Variants in XPR1 observed in about 807,000 individuals in gnomAD.
The protein encoded by XPR1 is solute carrier family 53 member 1.
In XPR1, 28 loss-of-function variants were observed where a neutral mutation model predicts 87.5. That is an observed-to-expected ratio of 0.32 (90% CI 0.24 to 0.44). The LOEUF is 0.44. Ranked by LOEUF, XPR1 falls within the 20% of genes least tolerant of loss-of-function variation. The pLI, the probability that XPR1 is intolerant of heterozygous loss-of-function variation, is 1.00. For synonymous variants in XPR1, 300 were observed against 306.1 expected (o/e 0.98, Z 0.21); for missense variants, 559 against 862.3 (o/e 0.65, Z 4.41).
At chr1:180,808,424 G>A (rs1219975563) in intron 6 of XPR1, among the ~76,000 whole-genome samples, 1 of 152,036 alleles carries the variant, frequency 6.6e-6, no homozygotes, top group African/African-American at 2.4e-5. Context: ...TTTGGGTTAT[G>A]CAAAGATTTC....
At chr1:180,844,369 T>C (rs1651611349) in intron 11 of XPR1, among the ~76,000 whole-genome samples, 1 of 152,114 alleles carries the variant, frequency 6.6e-6, no homozygotes, top group African/African-American at 2.4e-5. Flanking sequence ...TGGTGAAAAG[T>C]ATAAACATCA....
At chr1:180,878,756 C>G (rs1316590194) in intron 13 of XPR1, among the ~76,000 whole-genome samples, 1 of 152,138 alleles carries the variant, frequency 6.6e-6, no homozygotes. Context: ...ACTTTACTTC[C>G]CAGCAAAGCA....
chr1:180,772,249 C>T (rs929601591), intron 2 of XPR1, among the ~76,000 whole-genome samples: 31 of 152,050 alleles, frequency 2.0e-4, no homozygotes, highest in Non-Finnish European at 2.8e-4. Flanking sequence ...TGATCTGCCA[C>T]CATTCTTTTG....
intron 11 of XPR1, among the ~76,000 whole-genome samples, chr1:180,847,126 C>T (rs1168796443): frequency 6.6e-6 from 1 of 152,156 alleles, no homozygotes; most frequent in Non-Finnish European, 1.5e-5. Flanking sequence ...TTGAAGTCTA[C>T]ACAACACATT....
chr1:180,670,262 AT>A (rs1656123094), intron 1 of XPR1, among the ~76,000 whole-genome samples: 1 of 151,842 alleles, frequency 6.6e-6, no homozygotes. Context: ...TAATTATGTC[AT>A]TTTCCAATTT....
At chr1:180,638,854 C>T (rs1654870658) in intron 1 of XPR1, among the ~76,000 whole-genome samples, 1 of 152,072 alleles carries the variant, frequency 6.6e-6, no homozygotes, top group Non-Finnish European at 1.5e-5. Flanking sequence ...TCTTGTACTA[C>T]TTTATACTTC....
intron 11 of XPR1, among the ~76,000 whole-genome samples, chr1:180,849,994 G>A (rs886405283): frequency 3.3e-5 from 5 of 152,252 alleles, no homozygotes; most frequent in African/African-American, 1.2e-4. Flanking sequence ...AGTCATTAGA[G>A]ACTATTGAAA....
chr1:180,697,890 C>G (rs1328667480), intron 2 of XPR1, among the ~76,000 whole-genome samples: 1 of 151,996 alleles, frequency 6.6e-6, no homozygotes, highest in Non-Finnish European at 1.5e-5. Context: ...AGAGAATGTT[C>G]CATATGCTGA....
At chr1:180,771,070 C>G (rs1648494498) in intron 2 of XPR1, among the ~76,000 whole-genome samples, 1 of 152,146 alleles carries the variant, frequency 6.6e-6, no homozygotes, top group African/African-American at 2.4e-5. Context: ...TCTGTTTTCT[C>G]TCAAAGCACA....
At chr1:180,780,337 A>C (rs1257788188) in intron 2 of XPR1, among the ~76,000 whole-genome samples, 1 of 152,128 alleles carries the variant, frequency 6.6e-6, no homozygotes, top group Non-Finnish European at 1.5e-5. Flanking sequence ...TTGCCTTTTT[A>C]AATTATAGCT....
intron 1 of XPR1, among the ~76,000 whole-genome samples, chr1:180,647,902 CAAAAAAAAAAAAAA>C (rs1009441967): frequency 1.8e-5 from 1 of 55,952 alleles, no homozygotes; most frequent in African/African-American, 5.4e-5. Flanking sequence ...CTCTTATCTG[CAAAAAAAAAAAAAA>C]AAAAAAAAAG....
chr1:180,708,768 T>C (rs2101980102), intron 2 of XPR1, among the ~76,000 whole-genome samples: 1 of 152,234 alleles, frequency 6.6e-6, no homozygotes, highest in Admixed American at 6.5e-5. Context: ...TAATTTTTTA[T>C]GTTGTAAAGT....
intron 1 of XPR1, among the ~76,000 whole-genome samples, chr1:180,676,979 G>A (rs1261680105): frequency 2.0e-5 from 3 of 152,176 alleles, no homozygotes; most frequent in Non-Finnish European, 4.4e-5. Context: ...ATAGTATGAT[G>A]TTTGATGACA....
At chr1:180,794,180 G>T (rs1315794293) in intron 3 of XPR1, among the ~76,000 whole-genome samples, 1 of 152,148 alleles carries the variant, frequency 6.6e-6, no homozygotes, top group African/African-American at 2.4e-5. Context: ...TACACATGTA[G>T]CATATATAGT....
chr1:180,791,072 G>A (rs921765286), intron 3 of XPR1, among the ~76,000 whole-genome samples: 5 of 152,222 alleles, frequency 3.3e-5, no homozygotes, highest in South Asian at 2.1e-4. Flanking sequence ...TTGAGAAAGC[G>A]TATTGGAAAT....
intron 3 of XPR1, among the ~76,000 whole-genome samples, chr1:180,793,195 T>A (rs1649448603): frequency 1.3e-5 from 2 of 152,152 alleles, no homozygotes; most frequent in African/African-American, 4.8e-5. Flanking sequence ...TTGTTTCATA[T>A]AAATGCAAGA....
At chr1:180,646,108 C>G (rs181475079) in intron 1 of XPR1, among the ~76,000 whole-genome samples, 16 of 152,336 alleles carry the variant, frequency 1.1e-4, no homozygotes, top group African/African-American at 3.8e-4. Context: ...TTCCATACCA[C>G]GGTTCCCATT....
At chr1:180,846,418 T>G (rs992625730) in intron 11 of XPR1, among the ~76,000 whole-genome samples, 2 of 147,454 alleles carry the variant, frequency 1.4e-5, no homozygotes. Context: ...GAATTTCTTG[T>G]TTGTTTGTTT....
intron 1 of XPR1, among the ~76,000 whole-genome samples, chr1:180,635,955 AATT>A (rs1654744866): frequency 1.3e-5 from 2 of 152,212 alleles, no homozygotes; most frequent in Non-Finnish European, 1.5e-5. Flanking sequence ...CATCCTTTAA[AATT>A]AATAATATCC....
Sources: gnomAD v4.1 joint callset for allele counts (sites outside exome capture counted in the v4.1 genomes callset) on GRCh38, gnomAD v4.1.1 for gene constraint, MANE v1.5 for transcripts, NCBI Gene and HGNC (gene_info 2026-07-23, HGNC 2026-07-21) for gene names.